OTOGL: variants seen among roughly 807,000 people sequenced by gnomAD.
OTOGL encodes otogelin-like protein.
A neutral mutation model predicts 318.5 loss-of-function variants in OTOGL; 285 were observed. The observed-to-expected ratio is 0.89, with a 90% CI of 0.81 to 0.99. OTOGL has a LOEUF of 0.99. Among genes scored for constraint, OTOGL ranks in the 50% least tolerant of loss-of-function variants. OTOGL has a pLI of 0.00. For synonymous variants in OTOGL, 987 were observed against 936.5 expected (o/e 1.05, Z -0.99); for missense variants, 2,899 against 2,845.6 (o/e 1.02, Z -0.43).
chr12:80,118,151 G>A (rs1024985728), intron 1 of OTOGL, among the ~76,000 whole-genome samples: 16 of 152,146 alleles, frequency 1.1e-4, no homozygotes, highest in Non-Finnish European at 2.9e-5. Context: ...CCAAGTCACT[G>A]TCTAATTTAG....
chr12:80,209,977 G>A (rs952474189), intron 2 of OTOGL, among the ~76,000 whole-genome samples: 2 of 151,866 alleles, frequency 1.3e-5, no homozygotes, highest in Non-Finnish European at 1.5e-5. Context: ...TCAACCCAAA[G>A]AATAGTAAAA....
At chr12:80,271,559 G>A in intron 23 of OTOGL, 89 bp from the exon 24 acceptor site, 1 of 1,271,340 alleles carries the variant, frequency 7.9e-7, no homozygotes, top group Non-Finnish European at 1.1e-6. Context: ...AATAGGTTTA[G>A]AATAAACCTA....
chr12:80,123,644 A>G (rs1321370056), intron 1 of OTOGL, among the ~76,000 whole-genome samples: 1 of 152,164 alleles, frequency 6.6e-6, no homozygotes, highest in East Asian at 1.9e-4. Flanking sequence ...ACTAGTTTAT[A>G]GTCCCACCAA....
intron 26 of OTOGL, among the ~76,000 whole-genome samples, chr12:80,292,936 C>A (rs1368339425): frequency 1.3e-5 from 2 of 152,048 alleles, no homozygotes; most frequent in Admixed American, 6.6e-5. Context: ...AGCCCTAATA[C>A]CCAAAAAGTT....
chr12:80,149,045 C>G (rs973162217), intron 1 of OTOGL, among the ~76,000 whole-genome samples: 7 of 152,156 alleles, frequency 4.6e-5, no homozygotes, highest in African/African-American at 1.7e-4. Context: ...AAGCCTTCTT[C>G]TCTCAGCTCG....
Position 80,220,023 on chromosome 12 carries a change from C to T in OTOGL, c.334+111C>T, listed in dbSNP as rs1175791046. On this transcript the variant is annotated intron_variant, in intron 6 of 58. Coordinates refer to ENST00000547103, the MANE Select transcript of OTOGL (RefSeq NM_001378609.3). The stretch of plus-strand genomic sequence containing the variant: ...TGGGAGTTGTATATTAACTAGAGAG[C>T]CCACAATTCATTCTCAGTAATTTGA... The T allele has an allele frequency of 1.0e-5, 8 of 769,538 alleles. No homozygotes were observed. In the Admixed American group the frequency reaches 2.3e-4, roughly 22 times the overall value. 47.7% of individuals were successfully genotyped at this position (769,538 alleles called of 1,614,324 possible).
intron 14 of OTOGL, among the ~76,000 whole-genome samples, chr12:80,254,300 C>A (rs1881826284): frequency 6.6e-6 from 1 of 151,760 alleles, no homozygotes; most frequent in South Asian, 2.1e-4. Context: ...TAGGTGCCAG[C>A]CAGCTCAAAA....
chr12:80,114,021 T>C (rs182930151), intron 1 of OTOGL, among the ~76,000 whole-genome samples: 157 of 152,276 alleles, frequency 1.0e-3, no homozygotes, highest in African/African-American at 3.4e-3. Context: ...GCACGTGAGA[T>C]GGGTCTCCTG....
At chr12:80,292,523 A>G (rs1157473392) in intron 26 of OTOGL, among the ~76,000 whole-genome samples, 1 of 152,204 alleles carries the variant, frequency 6.6e-6, no homozygotes, top group Non-Finnish European at 1.5e-5. Flanking sequence ...ACCTGCCTTC[A>G]AGAGCACCTG....
In OTOGL at chr12:80,256,375, T is replaced by C. The variant is rs1882041838; in HGVS notation, c.1626T>C (p.Ile542=). The C allele has an allele frequency of 4.4e-6, 7 of 1,596,124 alleles. No homozygotes were observed. The highest frequency in any genetic ancestry group is 5.9e-6 in the Non-Finnish European group (7 of 1,177,618). The change falls in exon 17 of 59, where the codon ATT becomes ATC. Residue 542 remains isoleucine (I), a synonymous_variant. Coordinates refer to ENST00000547103, the MANE Select transcript of OTOGL (RefSeq NM_001378609.3). ...TCTGCCTTCAGTCTATAACTCTGAT[T>C]CTGGAGGATGATTTTAACAAACAAG... The part of the protein sequence containing the change: ...GLVCLQSITL[I]LEDDFNKQVT...
At chr12:80,279,518 G>A (rs1459082285) in intron 26 of OTOGL, among the ~76,000 whole-genome samples, 1 of 151,440 alleles carries the variant, frequency 6.6e-6, no homozygotes, top group Non-Finnish European at 1.5e-5. Flanking sequence ...CCAATGTTTA[G>A]CTCCCACTTA....
chr12:80,248,874 T>G (rs1220542383), intron 11 of OTOGL, among the ~76,000 whole-genome samples: 1 of 148,998 alleles, frequency 6.7e-6, no homozygotes, highest in African/African-American at 2.5e-5. Context: ...CTTTTTATTC[T>G]TTTTTCTCTA....
chr12:80,109,704 A>G (rs1869710158), intron 1 of OTOGL, among the ~76,000 whole-genome samples: 1 of 152,212 alleles, frequency 6.6e-6, no homozygotes, highest in African/African-American at 2.4e-5. Flanking sequence ...TCAAAGGATG[A>G]GAGAAGTGCA....
At chr12:80,105,271 G>A (rs1035333475) in intron 1 of OTOGL, among the ~76,000 whole-genome samples, 2 of 152,196 alleles carry the variant, frequency 1.3e-5, no homozygotes, top group African/African-American at 2.4e-5. Flanking sequence ...AGAAAAAGTC[G>A]CATCAAAATA....
intron 29 of OTOGL, 37 bp downstream of exon 29, chr12:80,305,732 A>C: frequency 7.2e-7 from 1 of 1,393,202 alleles, no homozygotes. Flanking sequence ...GTCAACAAAA[A>C]TTTTTAAGAA....
At chr12:80,171,704 G>C (rs889539264) in intron 1 of OTOGL, among the ~76,000 whole-genome samples, 1 of 151,876 alleles carries the variant, frequency 6.6e-6, no homozygotes, top group African/African-American at 2.4e-5. Context: ...ACTTCTCCTG[G>C]GTTTTTTATT....
At chr12:80,276,382 A>G (rs1221063470) in intron 24 of OTOGL, among the ~76,000 whole-genome samples, 3 of 151,790 alleles carry the variant, frequency 2.0e-5, no homozygotes, top group South Asian at 2.1e-4. Flanking sequence ...GTGCCTTGCC[A>G]TAGTAAGCAG....
intron 52 of OTOGL, among the ~76,000 whole-genome samples, chr12:80,364,010 G>A (rs1172298000): frequency 1.3e-5 from 2 of 151,790 alleles, no homozygotes; most frequent in Admixed American, 6.6e-5. Context: ...CTAGATGCTG[G>A]CCCATCTAGC....
At chr12:80,267,898 T>C (rs1408036801) in intron 22 of OTOGL, among the ~76,000 whole-genome samples, 4 of 151,962 alleles carry the variant, frequency 2.6e-5, no homozygotes, top group Admixed American at 2.6e-4. Context: ...AGTCCTTTGA[T>C]CATTTTTTGT....
Sources: gnomAD v4.1 joint callset for allele counts (sites outside exome capture counted in the v4.1 genomes callset) on GRCh38, gnomAD v4.1.1 for gene constraint, MANE v1.5 for transcripts, NCBI Gene and HGNC (gene_info 2026-07-23, HGNC 2026-07-21) for gene names.